The following RETREG1 variants were observed in gnomAD, a reference collection of about 807,000 sequenced individuals.
RETREG1 encodes reticulophagy regulator 1.
RETREG1 carries 44 observed loss-of-function variants against 54.8 expected under a neutral mutation model. The ratio of observed to expected loss-of-function variants is 0.80; its 90% CI spans 0.63 to 1.03. The LOEUF (loss-of-function observed/expected upper bound fraction) is 1.03, where lower values mean the gene tolerates loss of function less well. Among genes scored for constraint, RETREG1 ranks in the 50% least tolerant of loss-of-function variants. The pLI, the probability that RETREG1 is intolerant of heterozygous loss-of-function variation, is 0.00. For synonymous variants in RETREG1, 217 were observed against 238.5 expected (o/e 0.91, Z 0.83); for missense variants, 554 against 605.1 (o/e 0.92, Z 0.89).
chr5:16,477,024 T>C (rs1738566726), intron 8 of RETREG1, among the ~76,000 whole-genome samples: 1 of 152,170 alleles, frequency 6.6e-6, no homozygotes, highest in African/African-American at 2.4e-5. Flanking sequence ...CCCCTTTTAA[T>C]GAGGACTAGG....
chr5:16,483,300 A>C, intron 4 of RETREG1, 46 bp downstream of exon 4: 1 of 1,608,492 alleles, frequency 6.2e-7, no homozygotes, highest in African/African-American at 1.3e-5. Flanking sequence ...ATTTGTTTCC[A>C]AGTAACTGAA....
chr5:16,554,824 A>G (rs1356899440), intron 3 of RETREG1, among the ~76,000 whole-genome samples: 1 of 152,196 alleles, frequency 6.6e-6, no homozygotes, highest in Non-Finnish European at 1.5e-5. Flanking sequence ...AAAATAAAAC[A>G]AAACTTACTG....
chr5:16,613,268 T>C (rs182766554), intron 1 of RETREG1, among the ~76,000 whole-genome samples: 3 of 152,298 alleles, frequency 2.0e-5, no homozygotes, highest in Non-Finnish European at 2.9e-5. Flanking sequence ...GTTGAAATAT[T>C]AGGTACACCT....
intron 3 of RETREG1, among the ~76,000 whole-genome samples, chr5:16,510,110 A>G (rs1479215168): frequency 6.6e-6 from 1 of 152,260 alleles, no homozygotes; most frequent in Non-Finnish European, 1.5e-5. Flanking sequence ...ATATTTTACC[A>G]TTTGTATGTG....
At chr5:16,589,056 G>A (rs1303272631) in intron 1 of RETREG1, among the ~76,000 whole-genome samples, 2 of 152,222 alleles carry the variant, frequency 1.3e-5, no homozygotes. Flanking sequence ...TGTGCCAGCA[G>A]CCTCCTTACA....
intron 1 of RETREG1, among the ~76,000 whole-genome samples, chr5:16,589,238 A>G (rs1364834442): frequency 2.8e-4 from 43 of 152,038 alleles, no homozygotes; most frequent in Admixed American, 2.8e-3. Flanking sequence ...AACAGTGTTG[A>G]CACTCTTGGG....
chr5:16,612,449 G>A (rs778499592), intron 1 of RETREG1, among the ~76,000 whole-genome samples: 4 of 152,168 alleles, frequency 2.6e-5, no homozygotes, highest in Admixed American at 6.5e-5. Flanking sequence ...GGACAGGCGT[G>A]GGAAGACATC....
At position 16,473,958 on chromosome 5, in the gene RETREG1, A is replaced by C. The variant is rs1297174931; in HGVS notation, c.*783T>G. 1 of 152,176 alleles carries C rather than the reference A, an allele frequency of 6.6e-6. No individual in the cohort carries two copies. Among genetic ancestry groups the C allele is most frequent in the African/African-American group, 2.4e-5 (1 of 41,426 alleles). 9.4% of individuals were successfully genotyped at this position (152,176 alleles called of 1,614,324 possible). A position where few individuals can be genotyped will look rare whatever the true frequency, so the allele number is the denominator to read the frequency against. On this transcript the variant is annotated 3_prime_UTR_variant, in exon 9 of 9. Transcript: ENST00000306320. ...ATAGAGCTGTGCTCCCAACATCCCT[A>C]TCACAAACATATGACGAATGAACAA...
intron 1 of RETREG1, among the ~76,000 whole-genome samples, chr5:16,615,743 A>G (rs778939429): frequency 2.0e-5 from 3 of 152,152 alleles, no homozygotes; most frequent in Non-Finnish European, 2.9e-5. Context: ...CAGGCTGTCT[A>G]TTTTGTGCAA....
intron 1 of RETREG1, among the ~76,000 whole-genome samples, chr5:16,573,076 C>T (rs549276377): frequency 1.1e-3 from 169 of 148,420 alleles, no homozygotes; most frequent in African/African-American, 3.8e-3. Flanking sequence ...CCAGCTACTC[C>T]GAGTCTGAAG....
At chr5:16,535,269 G>A (rs1219463584) in intron 3 of RETREG1, among the ~76,000 whole-genome samples, 1 of 152,250 alleles carries the variant, frequency 6.6e-6, no homozygotes, top group Non-Finnish European at 1.5e-5. Flanking sequence ...TGCGCTCATT[G>A]ATTTCCAGGA....
At chr5:16,553,695 G>C (rs1027653750) in intron 3 of RETREG1, among the ~76,000 whole-genome samples, 4 of 152,082 alleles carry the variant, frequency 2.6e-5, no homozygotes, top group Admixed American at 2.6e-4. Flanking sequence ...GCAGCAGGAC[G>C]GGGTGGGCGG....
chr5:16,599,319 A>G (rs1742987189), intron 1 of RETREG1, among the ~76,000 whole-genome samples: 2 of 152,204 alleles, frequency 1.3e-5, no homozygotes, highest in Admixed American at 1.3e-4. Flanking sequence ...TCCATTCACT[A>G]ATATTCTAAT....
chr5:16,576,294 C>CTTTTTTTTTT (rs70940380), intron 1 of RETREG1, among the ~76,000 whole-genome samples: 9 of 125,836 alleles, frequency 7.2e-5, no homozygotes, highest in African/African-American at 2.6e-4. Flanking sequence ...TTTTCTTTTT[C>CTTTTTTTTTT]TTTTTTTTTT....
At chr5:16,603,111 GAAGT>G (rs1349052194) in intron 1 of RETREG1, among the ~76,000 whole-genome samples, 3 of 152,286 alleles carry the variant, frequency 2.0e-5, no homozygotes, top group African/African-American at 7.2e-5. Context: ...ACAGGACTGG[GAAGT>G]AAGGTGAGAC....
At chr5:16,596,565 A>G (rs1304672807) in intron 1 of RETREG1, among the ~76,000 whole-genome samples, 1 of 152,222 alleles carries the variant, frequency 6.6e-6, no homozygotes, top group African/African-American at 2.4e-5. Context: ...TTGTTTTGAA[A>G]GTTGTCCTGC....
At chr5:16,510,815 C>CAAAAA (rs1257342479) in intron 3 of RETREG1, among the ~76,000 whole-genome samples, 2 of 56,392 alleles carry the variant, frequency 3.5e-5, no homozygotes, top group African/African-American at 6.8e-5. Flanking sequence ...ACAACAACAA[C>CAAAAA]AACAAAAAAA....
At chr5:16,480,851 T>C (rs749993746) in intron 5 of RETREG1, among the ~76,000 whole-genome samples, 158 bp downstream of exon 5, 2 of 152,092 alleles carry the variant, frequency 1.3e-5, no homozygotes, top group African/African-American at 2.4e-5. Context: ...GACATGTCTC[T>C]AGGAAAATGG....
chr5:16,554,887 T>G (rs2126619517), intron 3 of RETREG1, among the ~76,000 whole-genome samples: 1 of 152,274 alleles, frequency 6.6e-6, no homozygotes, highest in South Asian at 2.1e-4. Flanking sequence ...GCCTTTGCAC[T>G]CCCTGTTCCT....
Sources: allele counts gnomAD v4.1 joint callset (sites outside exome capture counted in the v4.1 genomes callset), GRCh38; gene constraint gnomAD v4.1.1; transcripts MANE v1.5; gene names NCBI Gene and HGNC (gene_info 2026-07-23, HGNC 2026-07-21).